KATNIP: variants seen among roughly 807,000 people sequenced by gnomAD.
KATNIP encodes the protein katanin interacting protein.
In KATNIP, 126 loss-of-function variants were observed where a neutral mutation model predicts 174.0. The observed-to-expected ratio is 0.72, with a 90% CI of 0.63 to 0.84. KATNIP has a LOEUF of 0.84. Ranked by LOEUF, KATNIP falls within the 40% of genes least tolerant of loss-of-function variation. KATNIP has a pLI of 0.00. For synonymous variants in KATNIP, 810 were observed against 835.7 expected (o/e 0.97, Z 0.53); for missense variants, 1,958 against 2,109.7 (o/e 0.93, Z 1.41).
intron 6 of KATNIP, among the ~76,000 whole-genome samples, chr16:27,650,287 C>T (rs1361135967): frequency 3.3e-5 from 5 of 151,924 alleles, no homozygotes; most frequent in Admixed American, 3.3e-4. Flanking sequence ...GATGCAGGCA[C>T]AGTGTGAACA....
chr16:27,588,082 G>A lies in KATNIP; in HGVS notation c.63+14126G>A, dbSNP rs997023723. Among the ~76,000 whole-genome samples the A allele has an allele frequency of 8.2e-4, 124 of 151,972 alleles. 1 individual carries two copies. The highest frequency in any genetic ancestry group is 2.8e-3 in the African/African-American group (118 of 41,438). ...AATTTTTGTATTTTTTGTAGAGACA[G>A]GATCTCGCCATTTTGCCCAGGCTGG... is the stretch of plus-strand genomic sequence containing the variant. On this transcript the variant is annotated intron_variant, in intron 2 of 27. Transcript: ENST00000261588.
chr16:27,585,370 G>C (rs1444291571), intron 2 of KATNIP, among the ~76,000 whole-genome samples: 1 of 152,202 alleles, frequency 6.6e-6, no homozygotes, highest in African/African-American at 2.4e-5. Context: ...AGAACAGTTT[G>C]GAGATTCCTC....
intron 2 of KATNIP, among the ~76,000 whole-genome samples, chr16:27,610,049 C>T (rs1479267285): frequency 6.6e-6 from 1 of 152,000 alleles, no homozygotes; most frequent in Non-Finnish European, 1.5e-5. Flanking sequence ...TGGGAGGTGG[C>T]TCAGAGATGG....
intron 14 of KATNIP, among the ~76,000 whole-genome samples, chr16:27,726,429 A>G (rs1466012692): frequency 6.6e-6 from 1 of 152,194 alleles, no homozygotes; most frequent in Non-Finnish European, 1.5e-5. Flanking sequence ...GAATTTCACA[A>G]GCAGCTAGTG....
In KATNIP at chr16:27,766,471, C is replaced by T. The variant is rs199947596; in HGVS notation, c.3972C>T (p.Arg1324=). The change falls in exon 20 of 28, where the codon CGC becomes CGT. Residue 1324 remains arginine, a synonymous_variant. Transcript: ENST00000261588. Reference sequence around the variant, plus strand: ...ATAAATCTCCCGAGGACACCTATCGCGGGGTAAGCTGGGGAGCAGTGGCCG... The same window carrying T: ...ATAAATCTCCCGAGGACACCTATCGTGGGGTAAGCTGGGGAGCAGTGGCCG... ...NYNKSPEDTY[R]GAKIVHVSLD... is the part of the protein sequence containing the mutation. 188 of 1,611,206 alleles carry T rather than the reference C, an allele frequency of 1.2e-4. No homozygotes were observed. The highest frequency in any genetic ancestry group is 1.3e-4 in the Non-Finnish European group (150 of 1,179,694).
At chr16:27,653,106 C>T (rs74325831) in intron 6 of KATNIP, among the ~76,000 whole-genome samples, 4,385 of 152,158 alleles carry the variant, frequency 0.029, 85 homozygotes, top group Non-Finnish European at 0.046. Flanking sequence ...GATAACCATC[C>T]GGACTAAAAA....
At chr16:27,621,079 G>A (rs1193640557) in intron 3 of KATNIP, among the ~76,000 whole-genome samples, 1 of 152,046 alleles carries the variant, frequency 6.6e-6, no homozygotes, top group Admixed American at 6.6e-5. Context: ...CAGGAGGATC[G>A]CTTGAGCCCA....
chr16:27,704,093 A>G lies in KATNIP; in HGVS notation c.1389+95A>G, dbSNP rs558575506. ...TGAGGATTGCTCTGACAGTGGTTAAATGAGCATCTCTCTGCCTGTGTTTCC... is the reference window on the plus strand; with the variant it reads ...TGAGGATTGCTCTGACAGTGGTTAAGTGAGCATCTCTCTGCCTGTGTTTCC... On this transcript the variant is annotated intron_variant, in intron 12 of 27. Coordinates refer to ENST00000261588, the MANE Select transcript of KATNIP (RefSeq NM_015202.5). The G allele has an allele frequency of 2.0e-4, 189 of 943,676 alleles. 2 individuals carry two copies. In the South Asian group the frequency reaches 2.2e-3, roughly 11 times the overall value. The allele number at this position is 943,676 out of a possible 1,614,324, so 58.5% of individuals were successfully genotyped here. A position where few individuals can be genotyped will look rare whatever the true frequency, so the allele number is the denominator to read the frequency against.
rs775671535 is a variant in KATNIP at position 27,740,122 on chromosome 16, A to G, written c.1825A>G (p.Arg609Gly). The part of the protein sequence containing the change: ...IFNGKLDKGD[R>G]EAPADHSILV... ...CAATGGCAAGTTAGACAAAGGAGAT[A>G]GGGAGGCCCCAGCTGACCACAGCAT... is the stretch of plus-strand genomic sequence containing the variant. The change falls in exon 15 of 28, where the codon AGG becomes GGG. Residue 609 changes from arginine to glycine, a missense_variant. Around this residue, in one of 3 missense-constraint regions of KATNIP, gnomAD observed 1,557 missense variants for 1,617.8 expected, o/e 0.96. Transcript: ENST00000261588. The G allele has an allele frequency of 5.6e-6, 9 of 1,614,096 alleles. No individual in the cohort carries two copies. Among genetic ancestry groups the G allele is most frequent in the Non-Finnish European group, 7.6e-6 (9 of 1,180,044 alleles).
At chr16:27,633,401 T>A (rs1231189006) in intron 5 of KATNIP, among the ~76,000 whole-genome samples, 1 of 149,918 alleles carries the variant, frequency 6.7e-6, no homozygotes, top group African/African-American at 2.4e-5. Context: ...TGTACTATAT[T>A]TTTTATTTTT....
chr16:27,716,430 C>T (rs1284460907), intron 13 of KATNIP, among the ~76,000 whole-genome samples: 4 of 151,440 alleles, frequency 2.6e-5, no homozygotes, highest in East Asian at 1.9e-4. Flanking sequence ...GTGAACTGAA[C>T]GCTTTAAAAT....
rs999664624 is a variant in KATNIP, at chr16:27,652,867, G to A, written c.540+4132G>A. On this transcript the variant is annotated intron_variant, in intron 6 of 27. Transcript: ENST00000261588. ...GTATCAGGAATGAAACAAAGTTTAC[G>A]TTTTAAAAAATTATGATACTTATTT... Among the ~76,000 whole-genome samples the A allele has an allele frequency of 4.6e-5, 7 of 151,430 alleles. 1 individual carries two copies. Among genetic ancestry groups the A allele is most frequent in the Admixed American group, 1.3e-4 (2 of 15,198 alleles).
chr16:27,674,606 A>T (rs183355263), intron 6 of KATNIP, among the ~76,000 whole-genome samples: 1 of 152,328 alleles, frequency 6.6e-6, no homozygotes, highest in East Asian at 1.9e-4. Context: ...AAGGACGCCT[A>T]TGATTACACT....
At chr16:27,568,131 C>A (rs1039577820) in intron 1 of KATNIP, among the ~76,000 whole-genome samples, 1 of 152,024 alleles carries the variant, frequency 6.6e-6, no homozygotes, top group African/African-American at 2.4e-5. Flanking sequence ...GCAACATATA[C>A]TTTCTGGTCT....
In KATNIP at chr16:27,733,785, G is replaced by C. The variant is rs139886111; in HGVS notation, c.1744-6256G>C. 5.0e-3 allele frequency among the ~76,000 whole-genome samples: 756 copies of C among 152,240 alleles called. 4 individuals are homozygous for C. The highest frequency in any genetic ancestry group is 0.017 in the African/African-American group (725 of 41,528). ...GAGGAGAGAAAGGATTTTCCCCCTG[G>C]ATCCTTTCGTAAAGATGTCCTTTAT... On this transcript the variant is annotated intron_variant, in intron 14 of 27. Coordinates refer to ENST00000261588, the MANE Select transcript of KATNIP (RefSeq NM_015202.5).
chr16:27,759,259 G>A (rs756647622), intron 18 of KATNIP, among the ~76,000 whole-genome samples: 36 of 152,152 alleles, frequency 2.4e-4, no homozygotes, highest in Admixed American at 2.0e-4. Flanking sequence ...ATGTAGACTC[G>A]ATTGTCAGGA....
chr16:27,739,247 G>A (rs1381564872), intron 14 of KATNIP, among the ~76,000 whole-genome samples: 1 of 152,150 alleles, frequency 6.6e-6, no homozygotes, highest in Non-Finnish European at 1.5e-5. Context: ...AAGTGAGAAA[G>A]AGAGGGATCA....
At chr16:27,633,977 C>T (rs557588647) in intron 5 of KATNIP, among the ~76,000 whole-genome samples, 1 of 152,308 alleles carries the variant, frequency 6.6e-6, no homozygotes, top group African/African-American at 2.4e-5. Flanking sequence ...GCCTGGAGGC[C>T]TCCTTTTGTC....
intron 2 of KATNIP, among the ~76,000 whole-genome samples, chr16:27,599,782 CAG>C (rs2075454318): frequency 6.6e-6 from 1 of 152,232 alleles, no homozygotes; most frequent in Admixed American, 6.5e-5. Context: ...TCTGGAGTCT[CAG>C]GGCAGAACTC....
Sources: gnomAD v4.1 joint callset for allele counts (sites outside exome capture counted in the v4.1 genomes callset) on GRCh38, gnomAD v4.1.1 for gene constraint, gnomAD v4.1.1 regional missense constraint, MANE v1.5 for transcripts, NCBI Gene and HGNC (gene_info 2026-07-23, HGNC 2026-07-21) for gene names.